The following SLC4A2 variants were observed in gnomAD, a reference collection of about 807,000 sequenced individuals.
The protein encoded by SLC4A2 is solute carrier family 4 member 2.
A neutral mutation model predicts 115.0 loss-of-function variants in SLC4A2; 36 were observed. That is an observed-to-expected ratio of 0.31 (90% confidence interval 0.24 to 0.41). The LOEUF (loss-of-function observed/expected upper bound fraction) is 0.41. Among genes scored for constraint, SLC4A2 ranks in the 10% least tolerant of loss-of-function variants. The pLI, the probability that SLC4A2 is intolerant of heterozygous loss-of-function variation, is 1.00. For missense variants in SLC4A2, 1,252 were observed against 1,705.6 expected, an observed-to-expected ratio of 0.73 and a Z score of 4.68; for synonymous variants, 708 against 708.3, an observed-to-expected ratio of 1.00 and a Z score of 0.01.
chr7:151,070,581 G>C lies in SLC4A2; in HGVS notation c.1564+10G>C, dbSNP rs1321798445. The C allele has an allele frequency of 3.1e-6, 5 of 1,610,158 alleles. No individual in the cohort carries two copies. The Admixed American group carries it at 5.0e-5, about 16-fold the overall frequency. ...ACGGTGGTCCTTGTGGGTATGTGGG[G>C]CAGGTCACATGTAGGGGGCTTGGTG... On this transcript the variant is annotated intron_variant, in intron 11 of 22. Transcript: ENST00000413384.
At chr7:151,072,265 A>G in intron 16 of SLC4A2, 129 bp downstream of exon 16, 1 of 694,166 alleles carries the variant, frequency 1.4e-6, no homozygotes. Flanking sequence ...TGTTGCCAAC[A>G]CGTATACCAG....
chr7:151,074,680 GAGCGTTCCC>G lies in SLC4A2; in HGVS notation c.2889_2897del (p.Val964_Ser966del). 6.3e-7 allele frequency: 1 copy of G among 1,597,684 alleles called. No homozygotes were observed. The highest frequency in any genetic ancestry group is 1.4e-5 in the African/African-American group (1 of 73,978). Reference sequence around the variant, plus strand: ...ACACTGTGTCTGCCCTGCAGAAGCTGAGCGTTCCCAGTGGATTCTCGGTGACTGCCCCAG... The same window carrying G: ...ACACTGTGTCTGCCCTGCAGAAGCTGAGTGGATTCTCGGTGACTGCCCCAG... On this transcript the variant is annotated inframe_deletion, in exon 19 of 23. Coordinates refer to ENST00000413384, the MANE Select transcript of SLC4A2 (RefSeq NM_003040.4).
intron 16 of SLC4A2, among the ~76,000 whole-genome samples, chr7:151,073,289 T>TTATTTTA (rs59101471): frequency 1.4e-5 from 2 of 140,920 alleles, no homozygotes; most frequent in East Asian, 2.0e-4. Flanking sequence ...TTATTTTATT[T>TTATTTTA]GTTTATTTGT....
chr7:151,074,719 G>C lies in SLC4A2; in HGVS notation c.2925G>C (p.Lys975Asn), dbSNP rs55729233. 27 of 1,608,428 alleles carry C rather than the reference G, an allele frequency of 1.7e-5. No individual in the cohort carries two copies. The Middle Eastern group carries it at 8.3e-4, about 49-fold the overall frequency. Residue 975 changes from lysine to asparagine, a missense_variant, in exon 19 of 23, where the codon AAG (lysine) becomes AAC (asparagine). Physicochemically the swap from Lys to Asn is moderately conservative, Grantham distance 94. Around this residue, in one of 14 missense-constraint regions of SLC4A2, gnomAD observed 253 missense variants for 407.4 expected, o/e 0.62. Coordinates refer to ENST00000413384, the MANE Select transcript of SLC4A2 (RefSeq NM_003040.4). The part of the protein sequence containing the change: ...PSGFSVTAPE[K>N]RGWVINPLGE... ...GATTCTCGGTGACTGCCCCAGAAAA[G>C]AGGGGCTGGGTCATCAACCCCCTGG...
chr7:151,059,330 C>G (rs1563333827), upstream of SLC4A2: 1 of 152,200 alleles, frequency 6.6e-6, no homozygotes, highest in Non-Finnish European at 1.5e-5. This position sits in a 1 kb window ranked among gnomAD's most constrained non-coding sequence, Gnocchi z 5.8. Flanking sequence ...TCGACTTCCC[C>G]GAATTTCCTT....
intron 5 of SLC4A2, 78 bp downstream of exon 5, chr7:151,065,044 A>C (rs1797185787): frequency 1.9e-6 from 2 of 1,045,280 alleles, no homozygotes; most frequent in East Asian, 4.8e-5. Flanking sequence ...GGAACAAAGC[A>C]TGAGCCTTGG....
intron 2 of SLC4A2, chr7:151,062,463 C>T: frequency 8.0e-7 from 1 of 1,256,318 alleles, no homozygotes; most frequent in African/African-American, 1.5e-5. Context: ...CCCTCCCTGC[C>T]CCCACGTGGC....
intron 2 of SLC4A2, 80 bp from the exon 3 acceptor site, chr7:151,064,122 C>T (rs1797145720): frequency 5.4e-6 from 8 of 1,475,532 alleles, no homozygotes; most frequent in Admixed American, 1.8e-5. Flanking sequence ...TCCTGGGTCT[C>T]TGGCACTGGG....
intron 4 of SLC4A2, 37 bp from the exon 5 acceptor site, chr7:151,064,811 G>A: frequency 6.2e-7 from 1 of 1,613,152 alleles, no homozygotes; most frequent in East Asian, 2.2e-5. Flanking sequence ...CAGGGCCCTG[G>A]CCTGGTCACT....
chr7:151,075,130 G>A lies in SLC4A2; in HGVS notation c.3048-125G>A, dbSNP rs771684376. On this transcript the variant is annotated intron_variant, in intron 19 of 22. Coordinates refer to ENST00000413384, the MANE Select transcript of SLC4A2 (RefSeq NM_003040.4). Reference sequence around the variant, plus strand: ...TCTGTAACGGAATTTGAATCCTGACGGAATGGACAGGGACCGCCAGGTTCC... The same window carrying A: ...TCTGTAACGGAATTTGAATCCTGACAGAATGGACAGGGACCGCCAGGTTCC... 14 of 1,320,750 alleles carry A rather than the reference G, an allele frequency of 1.1e-5. No individual in the cohort carries two copies. The East Asian group carries it at 2.2e-4, about 21-fold the overall frequency. The allele number at this position is 1,320,750 out of a possible 1,614,324, so 81.8% of individuals were successfully genotyped here.
chr7:151,074,169 C>A lies in SLC4A2; in HGVS notation c.2666C>A (p.Ser889Tyr), dbSNP rs756555360. ...GPGNRSLAGQSGQGKPRGQPN... is the reference protein window; with the variant it reads ...GPGNRSLAGQYGQGKPRGQPN... ...GGCAACAGGAGCTTGGCTGGGCAGT[C>A]TGGGCAGGGGAAGCCCCGGGGCCAG... Residue 889 changes from serine to tyrosine, a missense_variant, in exon 17 of 23, where the codon TCT becomes TAT. Ser to Tyr is a moderately radical substitution (Grantham distance 144, BLOSUM62 -2). Coordinates refer to ENST00000413384, the MANE Select transcript of SLC4A2 (RefSeq NM_003040.4). 5.0e-6 allele frequency: 8 copies of A among 1,612,880 alleles called. No homozygotes were observed. The highest frequency in any genetic ancestry group is 6.8e-6 in the Non-Finnish European group (8 of 1,179,986).
In SLC4A2 at chr7:151,066,575, G is replaced by C; in HGVS notation, c.637G>C (p.Gly213Arg). The C allele has an allele frequency of 6.5e-7, 1 of 1,546,578 alleles. No homozygotes were observed. Among genetic ancestry groups the C allele is most frequent in the Non-Finnish European group, 8.7e-7 (1 of 1,145,726 alleles). Residue 213 changes from glycine (G) to arginine (R), a missense_variant, in exon 6 of 23, where the codon GGT becomes CGT. Coordinates refer to ENST00000413384, the MANE Select transcript of SLC4A2 (RefSeq NM_003040.4). ...AVAVASGTAG[G>R]DDGGASGRPL... ...GGCGGTGGCCAGTGGCACTGCAGGGGGTGACGACGGGGGTGCCTCGGGGCG... is the reference window on the plus strand; with the variant it reads ...GGCGGTGGCCAGTGGCACTGCAGGGCGTGACGACGGGGGTGCCTCGGGGCG...
Position 151,064,624 on chromosome 7 carries a change from C to A in SLC4A2, c.316C>A (p.Pro106Thr), listed in dbSNP as rs766199915. 4 of 1,613,496 alleles carry A rather than the reference C, an allele frequency of 2.5e-6. No homozygotes were observed. The African/African-American group carries it at 5.3e-5, about 22-fold the overall frequency. The change falls in exon 4 of 23, where the codon CCT (proline) becomes ACT (threonine). Residue 106 changes from proline to threonine, a missense_variant. This residue lies in a region of SLC4A2 where 215 missense variants were observed against 205.2 expected (regional missense o/e 1.05). Transcript: ENST00000413384. ...RKTPQGPGRK[P>T]RRRPGASPTG... is the part of the protein sequence containing the mutation. ...GACACCCCAGGGCCCAGGACGGAAG[C>A]CTCGAAGGCGCCCGGGAGCCTCCCC...
chr7:151,066,509 C>G lies in SLC4A2; in HGVS notation c.579-8C>G, dbSNP rs1216211957. The G allele has an allele frequency of 1.3e-6, 2 of 1,495,284 alleles. No homozygotes were observed. Among genetic ancestry groups the G allele is most frequent in the African/African-American group, 2.8e-5 (2 of 71,332 alleles). 92.6% of individuals were successfully genotyped at this position (1,495,284 alleles called of 1,614,324 possible). On this transcript the variant is annotated splice_region_variant and splice_polypyrimidine_tract_variant and intron_variant, in intron 5 of 22. Transcript: ENST00000413384. ...TTTCTCGGGCTCACGGCCATTCTGTCTGCCTAGAACCCAGGTGGAGGAGGC... is the reference window on the plus strand; with the variant it reads ...TTTCTCGGGCTCACGGCCATTCTGTGTGCCTAGAACCCAGGTGGAGGAGGC...
In SLC4A2 at chr7:151,069,140, CAAAA is replaced by C. The variant is rs397978007; in HGVS notation, c.1148-791_1148-788del. 4.6e-4 allele frequency among the ~76,000 whole-genome samples: 19 copies of C among 40,948 alleles called. 1 individual carries two copies. Among genetic ancestry groups the C allele is most frequent in the East Asian group, 2.4e-3 (2 of 820 alleles). The allele number at this position is 40,948 out of a possible 152,430, so 26.9% of individuals were successfully genotyped here. On this transcript the variant is annotated intron_variant, in intron 8 of 22. Transcript: ENST00000413384. ...AACGACAGAGCGAGACTCTTATCAC[CAAAA>C]AAAAAAAAAAAAAAAGCAGCTGAGG... is the stretch of plus-strand genomic sequence containing the variant.
rs1349445432 is a variant in SLC4A2 at position 151,066,934 on chromosome 7, G to T, written c.907G>T (p.Gly303Trp). ...AKGSTQSGRE[G>W]REPGPTPRAR... ...AGGTTCCACACAGAGTGGCCGAGAA[G>T]GGCGGGAGCCTGGCCCCACACCTCG... is the stretch of plus-strand genomic sequence containing the variant. Residue 303 changes from glycine to tryptophan, a missense_variant, in exon 7 of 23, where the codon GGG becomes TGG. Physicochemically the swap from Gly to Trp is radical, Grantham distance 184. Coordinates refer to ENST00000413384, the MANE Select transcript of SLC4A2 (RefSeq NM_003040.4). 94 of 1,613,408 alleles carry T rather than the reference G, an allele frequency of 5.8e-5. No homozygotes were observed. Among genetic ancestry groups the T allele is most frequent in the Non-Finnish European group, 7.7e-5 (91 of 1,179,830 alleles).
chr7:151,074,899 A>T, intron 19 of SLC4A2, 58 bp downstream of exon 19: 4 of 1,493,666 alleles, frequency 2.7e-6, no homozygotes, highest in Non-Finnish European at 3.6e-6. Context: ...AGGCTGGGGA[A>T]CTCAGCATGG....
At chr7:151,063,824 G>C (rs1797136242) in intron 2 of SLC4A2, among the ~76,000 whole-genome samples, 1 of 152,156 alleles carries the variant, frequency 6.6e-6, no homozygotes, top group Non-Finnish European at 1.5e-5. Flanking sequence ...CGCCTCCCAG[G>C]TTCAAGTAAT....
chr7:151,062,159 T>A, intron 2 of SLC4A2, 121 bp downstream of exon 2: 1 of 807,264 alleles, frequency 1.2e-6, no homozygotes, highest in Non-Finnish European at 2.0e-6. Flanking sequence ...ACTGGGAGGA[T>A]GCTGCCATCC....
Sources: allele counts gnomAD v4.1 joint callset (sites outside exome capture counted in the v4.1 genomes callset), GRCh38; gene constraint gnomAD v4.1.1; regional missense constraint gnomAD v4.1.1; non-coding constraint Gnocchi (gnomAD v3.1); transcripts MANE v1.5; gene names NCBI Gene and HGNC (gene_info 2026-07-23, HGNC 2026-07-21).